Variants in CSMD1 observed in about 807,000 individuals in gnomAD.
The protein encoded by CSMD1 is CUB and Sushi multiple domains 1.
Under a neutral mutation model 417.5 loss-of-function variants are expected in CSMD1, and 213 were observed. The observed-to-expected ratio is 0.51, with a 90% CI of 0.46 to 0.57. The LOEUF (loss-of-function observed/expected upper bound fraction) is 0.57. Among genes scored for constraint, CSMD1 ranks in the 20% least tolerant of loss-of-function variants. The probability of loss-of-function intolerance (pLI) is 0.00; values close to 1 mark genes in which losing one functional copy is unlikely to be tolerated. For missense variants in CSMD1, 6,923 were observed against 4,529.7 expected, an observed-to-expected ratio of 1.53 and a Z score of -15.17; for synonymous variants, 2,862 against 1,736.8, an observed-to-expected ratio of 1.65 and a Z score of -16.11.
At chr8:3,312,790 T>A (rs914477937) in intron 23 of CSMD1, among the ~76,000 whole-genome samples, 14 of 133,606 alleles carry the variant, frequency 1.0e-4, no homozygotes, top group African/African-American at 4.1e-4. Flanking sequence ...TCAGCATCTC[T>A]CAGGTTCTCA....
chr8:3,033,520 G>T (rs1034309323), intron 50 of CSMD1, among the ~76,000 whole-genome samples: 1 of 152,034 alleles, frequency 6.6e-6, no homozygotes, highest in Non-Finnish European at 1.5e-5. Flanking sequence ...AACACCGCGT[G>T]TTCTCATTTA....
intron 35 of CSMD1, among the ~76,000 whole-genome samples, chr8:3,188,355 T>A (rs1247426014): frequency 7.0e-6 from 1 of 141,912 alleles, no homozygotes; most frequent in Non-Finnish European, 1.5e-5. Context: ...CACCCAGGCT[T>A]GAGTGCAATG....
At chr8:4,660,285 G>A (rs1285593380) in intron 1 of CSMD1, among the ~76,000 whole-genome samples, 1 of 152,084 alleles carries the variant, frequency 6.6e-6, no homozygotes, top group Non-Finnish European at 1.5e-5. Flanking sequence ...ATGGACAGAA[G>A]AGTTAAAAAC....
chr8:3,003,067 C>T (rs1395195560), intron 52 of CSMD1, among the ~76,000 whole-genome samples: 1 of 152,202 alleles, frequency 6.6e-6, no homozygotes, highest in Non-Finnish European at 1.5e-5. Context: ...CCTGTTATCA[C>T]TTTCCAGCCA....
intron 1 of CSMD1, among the ~76,000 whole-genome samples, chr8:4,899,134 C>CA (rs1236501636): frequency 6.6e-6 from 1 of 152,138 alleles, no homozygotes; most frequent in Non-Finnish European, 1.5e-5. Flanking sequence ...ATACACGTAT[C>CA]AATAGGCAAA....
At chr8:4,859,833 A>C (rs919532547) in intron 1 of CSMD1, among the ~76,000 whole-genome samples, 1 of 152,144 alleles carries the variant, frequency 6.6e-6, no homozygotes, top group Non-Finnish European at 1.5e-5. Flanking sequence ...TAGTTCAACC[A>C]TTGTGGAAGT....
At chr8:3,914,017 C>T (rs1219767759) in intron 5 of CSMD1, among the ~76,000 whole-genome samples, 1 of 152,056 alleles carries the variant, frequency 6.6e-6, no homozygotes, top group East Asian at 1.9e-4. Context: ...TCTTGAAACC[C>T]TTCTCTATAC....
chr8:3,690,505 A>G (rs2086532), intron 7 of CSMD1, among the ~76,000 whole-genome samples: 44,734 of 152,200 alleles, frequency 0.29, 7,440 homozygotes, highest in South Asian at 0.41. Flanking sequence ...TGTACTAACT[A>G]GGGGACGCCT....
intron 2 of CSMD1, among the ~76,000 whole-genome samples, chr8:4,606,057 C>T (rs1037991603): frequency 1.3e-5 from 2 of 152,126 alleles, no homozygotes; most frequent in Non-Finnish European, 2.9e-5. Context: ...TTTTGGAAGC[C>T]TGAGAAGGAT....
intron 3 of CSMD1, among the ~76,000 whole-genome samples, chr8:4,292,515 G>C (rs1048189710): frequency 2.6e-5 from 4 of 152,094 alleles, no homozygotes; most frequent in South Asian, 2.1e-4. Flanking sequence ...GCCTCCCCGA[G>C]TGCTGGGATT....
intron 1 of CSMD1, among the ~76,000 whole-genome samples, chr8:4,854,357 T>C (rs766113850): frequency 2.6e-5 from 4 of 152,174 alleles, no homozygotes; most frequent in Non-Finnish European, 4.4e-5. Flanking sequence ...ATAGTAGTGA[T>C]TGAATTCTCA....
intron 5 of CSMD1, among the ~76,000 whole-genome samples, chr8:3,924,953 C>A (rs1809547003): frequency 6.6e-6 from 1 of 152,116 alleles, no homozygotes; most frequent in African/African-American, 2.4e-5. Context: ...TGAAGTTCTG[C>A]ATTGCTTTCT....
At chr8:3,387,861 T>G (rs1056201135) in intron 17 of CSMD1, among the ~76,000 whole-genome samples, 179 bp from the exon 18 acceptor site, 1 of 152,216 alleles carries the variant, frequency 6.6e-6, no homozygotes, top group African/African-American at 2.4e-5. Context: ...TTGACCTCGT[T>G]TTTTAAAAGA....
At chr8:3,944,407 G>A (rs552233827) in intron 5 of CSMD1, among the ~76,000 whole-genome samples, 12 of 152,148 alleles carry the variant, frequency 7.9e-5, no homozygotes, top group Admixed American at 5.2e-4. Flanking sequence ...TTAACTGAGT[G>A]GGTGATTCTT....
At chr8:3,033,909 T>A (rs1585194712) in intron 50 of CSMD1, among the ~76,000 whole-genome samples, 1 of 152,338 alleles carries the variant, frequency 6.6e-6, no homozygotes, top group South Asian at 2.1e-4. Context: ...GAGGATGTGG[T>A]TGTAACAAGG....
intron 1 of CSMD1, among the ~76,000 whole-genome samples, chr8:4,951,943 G>A (rs1808778895): frequency 6.6e-6 from 1 of 151,036 alleles, no homozygotes; most frequent in Admixed American, 6.6e-5. Context: ...TTTCCCCTAG[G>A]CCTGAAACTG....
chr8:3,039,485 CCTT>C (rs1156870510), intron 50 of CSMD1, among the ~76,000 whole-genome samples: 1 of 149,586 alleles, frequency 6.7e-6, no homozygotes, highest in East Asian at 2.0e-4. Context: ...TTTCCTCCTT[CCTT>C]CTTTCAATTC....
intron 12 of CSMD1, among the ~76,000 whole-genome samples, chr8:3,432,952 T>TG (rs1175681117): frequency 3.3e-5 from 5 of 152,074 alleles, no homozygotes; most frequent in Admixed American, 6.6e-5. Context: ...TATCAATAAA[T>TG]GGGGGGGTTA....
At chr8:4,079,077 C>G (rs1221433707) in intron 3 of CSMD1, among the ~76,000 whole-genome samples, 1 of 151,722 alleles carries the variant, frequency 6.6e-6, no homozygotes, top group African/African-American at 2.4e-5. Flanking sequence ...ACTTATACAG[C>G]TCATTACCAG....
Sources: allele counts gnomAD v4.1 joint callset (sites outside exome capture counted in the v4.1 genomes callset), GRCh38; gene constraint gnomAD v4.1.1; transcripts MANE v1.5; gene names NCBI Gene and HGNC (gene_info 2026-07-23, HGNC 2026-07-21).